Variants in MYMX observed in about 807,000 individuals in gnomAD.
The protein encoded by MYMX is myomixer, myoblast fusion factor, also known as protein myomixer.
At chr6:44,206,520 C>T in the MYMX span, among the ~76,000 whole-genome samples, 1 of 152,234 alleles carries the variant, frequency 6.6e-6, no homozygotes, top group African/African-American at 2.4e-5. Context: ...GCGTGAGCCA[C>T]TGCACCTGGC....
chr6:44,215,771 T>C (rs1044286599), upstream of MYMX, among the ~76,000 whole-genome samples: 4 of 151,650 alleles, frequency 2.6e-5, no homozygotes, highest in Non-Finnish European at 5.9e-5. Context: ...GGCGGGTGCC[T>C]GTAATCCCAG....
In MYMX at chr6:44,217,538, C is replaced by T. The variant is rs959468672; in HGVS notation, c.67C>T (p.Arg23Cys). 11 of 405,048 alleles carry T rather than the reference C, an allele frequency of 2.7e-5. No individual in the cohort carries two copies. Among genetic ancestry groups the T allele is most frequent in the African/African-American group, 6.2e-5 (3 of 48,774 alleles). The allele number at this position is 405,048 out of a possible 1,614,324, so 25.1% of individuals were successfully genotyped here. Residue 23 changes from arginine (R) to cysteine (C), a missense_variant, in exon 2 of 2, where the codon CGC (arginine) becomes TGC (cysteine). Transcript: ENST00000573382. ...GTCCTGCCTGCTGCTGCCTGCTGCC[C>T]GCCTGGCCCGCCAATACCTCCTGCC... is the stretch of plus-strand genomic sequence containing the variant. ...LLSCLLLPAA[R>C]LARQYLLPLL...
the MYMX span, among the ~76,000 whole-genome samples, chr6:44,211,341 C>T: frequency 6.6e-6 from 1 of 152,060 alleles, no homozygotes; most frequent in South Asian, 2.1e-4. Flanking sequence ...AAAACTAATG[C>T]ATACTTTCGG....
At chr6:44,202,526 C>T in the MYMX span, among the ~76,000 whole-genome samples, 2 of 151,682 alleles carry the variant, frequency 1.3e-5, no homozygotes, top group African/African-American at 4.9e-5. Flanking sequence ...CAGGGAAGTG[C>T]AGGAAGGATC....
At chr6:44,202,263 A>T in the MYMX span, among the ~76,000 whole-genome samples, 1 of 152,084 alleles carries the variant, frequency 6.6e-6, no homozygotes, top group Non-Finnish European at 1.5e-5. Flanking sequence ...CACACAATGT[A>T]TGTTGTCATG....
chr6:44,218,022 AC>A lies in MYMX; in HGVS notation c.*300del, dbSNP rs1050768068. Reference sequence around the variant, plus strand: ...GCGGGAGGGGAACTAACACCCACCCACCCCTGCCCTCCCTGCAAATGGGAAC... The same window carrying A: ...GCGGGAGGGGAACTAACACCCACCCACCCTGCCCTCCCTGCAAATGGGAAC... On this transcript the variant is annotated 3_prime_UTR_variant, in exon 2 of 2. Coordinates refer to ENST00000573382, the MANE Select transcript of MYMX (RefSeq NM_001315494.2). 2.2e-5 allele frequency: 6 copies of A among 271,556 alleles called. No homozygotes were observed. Among genetic ancestry groups the A allele is most frequent in the African/African-American group, 9.1e-5 (4 of 44,102 alleles). 16.8% of individuals were successfully genotyped at this position (271,556 alleles called of 1,614,324 possible).
the MYMX span, among the ~76,000 whole-genome samples, chr6:44,203,409 A>C: frequency 1.3e-5 from 2 of 152,212 alleles, no homozygotes; most frequent in Non-Finnish European, 2.9e-5. Context: ...AAAAAGAGAC[A>C]AAAGTTACAG....
upstream of MYMX, among the ~76,000 whole-genome samples, chr6:44,212,485 T>C (rs1222320469): frequency 1.3e-5 from 2 of 151,792 alleles, no homozygotes; most frequent in African/African-American, 2.4e-5. Flanking sequence ...TAATAAATAT[T>C]TGAGGTGATA....
chr6:44,211,361 TTATAAGG>T, the MYMX span, among the ~76,000 whole-genome samples: 30 of 152,158 alleles, frequency 2.0e-4, no homozygotes, highest in Admixed American at 1.6e-3. Flanking sequence ...GTTAGGAAAC[TTATAAGG>T]TATAAGAATT....
At chr6:44,205,538 C>T in the MYMX span, among the ~76,000 whole-genome samples, 2,157 of 152,016 alleles carry the variant, frequency 0.014, 49 homozygotes, top group African/African-American at 0.05. Flanking sequence ...CGGCTGGGGG[C>T]GGTGGCTCAT....
intron 1 of MYMX, 100 bp from the exon 2 acceptor site, chr6:44,217,350 G>T: frequency 2.5e-6 from 1 of 397,722 alleles, no homozygotes; most frequent in Admixed American, 4.4e-5. Flanking sequence ...GAGCAGGAAG[G>T]TGTAAACTGA....
At chr6:44,201,146 A>T in the MYMX span, among the ~76,000 whole-genome samples, 1 of 152,160 alleles carries the variant, frequency 6.6e-6, no homozygotes, top group Non-Finnish European at 1.5e-5. Flanking sequence ...GTCATGGATA[A>T]GGGACCATCC....
At chr6:44,215,031 C>T (rs1240734601), upstream of MYMX, among the ~76,000 whole-genome samples, 3 of 152,222 alleles carry the variant, frequency 2.0e-5, no homozygotes. Flanking sequence ...TCTATACTCT[C>T]TAGCTCCTCT....
the MYMX span, among the ~76,000 whole-genome samples, chr6:44,210,583 G>A: frequency 1.3e-5 from 2 of 152,120 alleles, no homozygotes; most frequent in Non-Finnish European, 2.9e-5. Context: ...ACCATGCCTG[G>A]CCAATAATTA....
the MYMX span, among the ~76,000 whole-genome samples, chr6:44,201,398 C>A: frequency 6.6e-6 from 1 of 152,292 alleles, no homozygotes; most frequent in Non-Finnish European, 1.5e-5. Flanking sequence ...CCCCTTGACA[C>A]ACCCTGCCCT....
the MYMX span, among the ~76,000 whole-genome samples, chr6:44,208,143 G>A: frequency 2.0e-5 from 3 of 151,534 alleles, no homozygotes; most frequent in Admixed American, 6.6e-5. Context: ...CAGGAGGATC[G>A]CTTAAGCCTG....
the MYMX span, among the ~76,000 whole-genome samples, chr6:44,197,915 A>G: frequency 2.0e-5 from 3 of 152,156 alleles, no homozygotes; most frequent in East Asian, 5.8e-4. Context: ...TGTTACTTGT[A>G]ATTGATACTA....
At chr6:44,202,228 C>T in the MYMX span, among the ~76,000 whole-genome samples, 2 of 152,168 alleles carry the variant, frequency 1.3e-5, no homozygotes, top group Non-Finnish European at 2.9e-5. Flanking sequence ...GACCCAGAGC[C>T]TTGCACGGGC....
At chr6:44,207,636 G>A in the MYMX span, among the ~76,000 whole-genome samples, 3 of 151,652 alleles carry the variant, frequency 2.0e-5, no homozygotes, top group Admixed American at 6.6e-5. Context: ...GGGTTCAAGC[G>A]ATTCTCCTGC....
Sources: allele counts gnomAD v4.1 joint callset (sites outside exome capture counted in the v4.1 genomes callset), GRCh38; gene constraint gnomAD v4.1.1; transcripts MANE v1.5; gene names NCBI Gene and HGNC (gene_info 2026-07-23, HGNC 2026-07-21).